CTNND1: variants seen among roughly 807,000 people sequenced by gnomAD.
CTNND1 encodes catenin delta 1.
CTNND1 carries 16 observed loss-of-function variants against 112.1 expected under a neutral mutation model. That is an observed-to-expected ratio of 0.14 (90% CI 0.10 to 0.22). CTNND1 has a LOEUF of 0.22. Ranked by LOEUF, CTNND1 falls within the 10% of genes least tolerant of loss-of-function variation. The probability of loss-of-function intolerance (pLI) is 1.00; values close to 1 mark genes in which losing one functional copy is unlikely to be tolerated. For missense variants in CTNND1, 1,008 were observed against 1,257.0 expected (o/e 0.80, Z 3.00); for synonymous variants, 420 against 446.5 (o/e 0.94, Z 0.75).
chr11:57,788,336 A>G lies in CTNND1; in HGVS notation c.-213-701A>G, dbSNP rs2060340908. Among the ~76,000 whole-genome samples the G allele has an allele frequency of 6.6e-6, 1 of 152,196 alleles. No homozygotes were observed. The highest frequency in any genetic ancestry group is 2.1e-4 in the South Asian group (1 of 4,832). ...TGGACTGAAAGGAAGAAGAGTTGATAGGCGATTATGGGAACTTCGAGCTGG... is the reference window on the plus strand; with the variant it reads ...TGGACTGAAAGGAAGAAGAGTTGATGGGCGATTATGGGAACTTCGAGCTGG... On this transcript the variant is annotated intron_variant, in intron 1 of 20. Coordinates refer to ENST00000399050, the MANE Select transcript of CTNND1 (RefSeq NM_001085458.2). This position sits in a 1 kb window ranked among gnomAD's most constrained non-coding sequence, Gnocchi z 4.1.
intron 10 of CTNND1, 101 bp downstream of exon 10, chr11:57,806,136 T>C: frequency 1.4e-6 from 2 of 1,410,914 alleles, no homozygotes; most frequent in Non-Finnish European, 1.9e-6. Context: ...TATGGGAGTC[T>C]GCCTGGTTAT....
intron 6 of CTNND1, among the ~76,000 whole-genome samples, chr11:57,800,089 A>G (rs1220961895): frequency 1.4e-5 from 2 of 141,630 alleles, no homozygotes; most frequent in African/African-American, 5.3e-5. Flanking sequence ...TGTTCCATGC[A>G]TGGTATTTTA....
At chr11:57,801,227 A>G (rs1321162574) in intron 6 of CTNND1, among the ~76,000 whole-genome samples, 1 of 152,234 alleles carries the variant, frequency 6.6e-6, no homozygotes, top group African/African-American at 2.4e-5. Context: ...AAGCTTAAAT[A>G]TGAAATGTAT....
At chr11:57,794,538 C>T (rs1335151788) in intron 4 of CTNND1, among the ~76,000 whole-genome samples, 1 of 151,760 alleles carries the variant, frequency 6.6e-6, no homozygotes, top group Non-Finnish European at 1.5e-5. Flanking sequence ...GTAATCCCAG[C>T]ACTTTGGGAG....
chr11:57,778,914 A>G (rs904217611), intron 1 of CTNND1, among the ~76,000 whole-genome samples: 3 of 152,174 alleles, frequency 2.0e-5, no homozygotes, highest in Non-Finnish European at 4.4e-5. Flanking sequence ...CGGAGCATCT[A>G]GCTACTCCGA....
chr11:57,803,410 ATTGT>A (rs556180578), intron 7 of CTNND1, among the ~76,000 whole-genome samples: 135 of 152,236 alleles, frequency 8.9e-4, no homozygotes, highest in African/African-American at 3.0e-3. Flanking sequence ...ATAGTTAAAC[ATTGT>A]TTGTTTCATG....
chr11:57,781,526 T>C (rs2059582583), intron 1 of CTNND1: 1 of 152,238 alleles, frequency 6.6e-6, no homozygotes, highest in Admixed American at 6.5e-5. Flanking sequence ...GTCTAACACC[T>C]TCCTCTGTTT....
chr11:57,800,053 TCTGGTATTATACCCAGGAGG>T (rs1277581197), intron 6 of CTNND1, among the ~76,000 whole-genome samples: 2 of 143,684 alleles, frequency 1.4e-5, no homozygotes, highest in African/African-American at 5.1e-5. Flanking sequence ...AGTGGTGCGA[TCTGGTATTATACCCAGGAGG>T]CTTTTTGTTC....
chr11:57,781,073 G>A (rs2059525768), intron 1 of CTNND1, among the ~76,000 whole-genome samples: 3 of 152,186 alleles, frequency 2.0e-5, no homozygotes, highest in African/African-American at 7.2e-5. Flanking sequence ...CGGGTAGCTA[G>A]GATTACAGGC....
chr11:57,771,049 A>G (rs1952448806), intron 1 of CTNND1, among the ~76,000 whole-genome samples: 1 of 152,136 alleles, frequency 6.6e-6, no homozygotes, highest in Non-Finnish European at 1.5e-5. Context: ...TCAGCCAAAT[A>G]GGCAGGTAAG....
intron 12 of CTNND1, 86 bp from the exon 13 acceptor site, chr11:57,808,079 G>C: frequency 3.5e-6 from 5 of 1,410,114 alleles, no homozygotes; most frequent in Non-Finnish European, 4.8e-6. Flanking sequence ...CATCAACTGA[G>C]AGTACTAAGG....
At chr11:57,802,309 C>T (rs1363985238) in intron 7 of CTNND1, 113 bp downstream of exon 7, 9 of 932,380 alleles carry the variant, frequency 9.7e-6, no homozygotes, top group Non-Finnish European at 1.3e-5. Context: ...GAACTGGTGG[C>T]TGTGGGTCAA....
intron 14 of CTNND1, 25 bp downstream of exon 14, chr11:57,808,565 A>G (rs2062973592): frequency 1.3e-6 from 2 of 1,553,552 alleles, no homozygotes; most frequent in East Asian, 2.3e-5. Context: ...GCTAACTGTT[A>G]CCTCAAAATT....
rs1342801288 is a variant in CTNND1, at chr11:57,783,306, A to C, written c.-213-5731A>C. ...AAAACAAACAAACAAACAAAAAAAA[A>C]CGTGGAACATCAAGTGGAGGTAGGG... is the stretch of plus-strand genomic sequence containing the variant. On this transcript the variant is annotated intron_variant, in intron 1 of 20. Coordinates refer to ENST00000399050, the MANE Select transcript of CTNND1 (RefSeq NM_001085458.2). Among the ~76,000 whole-genome samples, 4 of 151,852 alleles carry C rather than the reference A, an allele frequency of 2.6e-5. No homozygotes were observed. In the East Asian group the frequency reaches 5.9e-4, roughly 22 times the overall value.
chr11:57,797,123 G>C, intron 6 of CTNND1, 131 bp downstream of exon 6: 1 of 646,478 alleles, frequency 1.5e-6, no homozygotes, highest in Non-Finnish European at 2.3e-6. Context: ...TTTTTTTTGG[G>C]GTGAAAAGCT....
intron 19 of CTNND1, 130 bp from the exon 20 acceptor site, chr11:57,815,785 G>C: frequency 1.2e-6 from 1 of 809,040 alleles, no homozygotes; most frequent in Non-Finnish European, 2.1e-6. Flanking sequence ...GTTTATGAAT[G>C]TTTTGCCCTT....
At chr11:57,768,725 T>C (rs948192791) in intron 1 of CTNND1, among the ~76,000 whole-genome samples, 4 of 152,030 alleles carry the variant, frequency 2.6e-5, no homozygotes, top group Admixed American at 6.6e-5. Context: ...CCCTTATTTG[T>C]GGACATTTAT....
At position 57,816,896 on chromosome 11, in the gene CTNND1, T is replaced by C. The variant is rs1043510825; in HGVS notation, c.*588T>C. 5 of 154,362 alleles carry C rather than the reference T, an allele frequency of 3.2e-5. No homozygotes were observed. The highest frequency in any genetic ancestry group is 1.2e-4 in the African/African-American group (5 of 41,450). 9.6% of individuals were successfully genotyped at this position (154,362 alleles called of 1,614,324 possible). ...CAAAGGACCCTTGAGTAAGTGAAGG[T>C]CTCCTAAAACTGGGATTAAGAAACC... is the stretch of plus-strand genomic sequence containing the variant. On this transcript the variant is annotated 3_prime_UTR_variant, in exon 21 of 21. Coordinates refer to ENST00000399050, the MANE Select transcript of CTNND1 (RefSeq NM_001085458.2).
chr11:57,808,497 A>C lies in CTNND1; in HGVS notation c.2199A>C (p.Ala733=). Residue 733 remains alanine (A), a synonymous_variant, in exon 14 of 21, where the codon GCA becomes GCC. Coordinates refer to ENST00000399050, the MANE Select transcript of CTNND1 (RefSeq NM_001085458.2). ...HERVVKAASG[A]LRNLAVDARN... ...GGGTGGTGAAAGCTGCATCTGGAGC[A>C]CTGAGAAACCTGGCTGTGGATGCTC... The C allele has an allele frequency of 6.2e-7, 1 of 1,611,302 alleles. No homozygotes were observed. Among genetic ancestry groups the C allele is most frequent in the Non-Finnish European group, 8.5e-7 (1 of 1,179,080 alleles).
Sources: gnomAD v4.1 joint callset for allele counts (sites outside exome capture counted in the v4.1 genomes callset) on GRCh38, gnomAD v4.1.1 for gene constraint, Gnocchi (gnomAD v3.1) non-coding constraint, MANE v1.5 for transcripts, NCBI Gene and HGNC (gene_info 2026-07-23, HGNC 2026-07-21) for gene names.